Variants in GRID1 observed in about 807,000 individuals in gnomAD.
GRID1 encodes the protein glutamate receptor ionotropic, delta-1.
Under a neutral mutation model 98.0 loss-of-function variants are expected in GRID1, and 28 were observed. The ratio of observed to expected loss-of-function variants is 0.29; its 90% CI spans 0.21 to 0.39. The LOEUF (loss-of-function observed/expected upper bound fraction) is 0.39, where lower values mean the gene tolerates loss of function less well. Among genes scored for constraint, GRID1 ranks in the 10% least tolerant of loss-of-function variants. GRID1 has a pLI of 1.00. For missense variants in GRID1, 1,111 were observed against 1,340.5 expected, an observed-to-expected ratio of 0.83 and a Z score of 2.67; for synonymous variants, 553 against 538.5, an observed-to-expected ratio of 1.03 and a Z score of -0.37.
intron 12 of GRID1, among the ~76,000 whole-genome samples, chr10:85,691,461 C>A (rs1182349141): frequency 6.6e-6 from 1 of 152,152 alleles, no homozygotes; most frequent in Non-Finnish European, 1.5e-5. Flanking sequence ...TCGTAGTGAG[C>A]CCCTGGCATC....
intron 13 of GRID1, among the ~76,000 whole-genome samples, chr10:85,621,478 T>C (rs1564679985): frequency 6.6e-6 from 1 of 152,160 alleles, no homozygotes; most frequent in Non-Finnish European, 1.5e-5. Context: ...CCCCAAGTGC[T>C]CATGGCCCAA....
intron 13 of GRID1, among the ~76,000 whole-genome samples, chr10:85,624,931 T>C (rs1483163413): frequency 6.6e-6 from 1 of 152,174 alleles, no homozygotes; most frequent in Admixed American, 6.5e-5. Context: ...CAATAAATTA[T>C]GATTCATAAA....
At chr10:86,225,520 T>C (rs1846327884) in intron 2 of GRID1, among the ~76,000 whole-genome samples, 1 of 152,204 alleles carries the variant, frequency 6.6e-6, no homozygotes, top group African/African-American at 2.4e-5. Flanking sequence ...GGAGGCCCAG[T>C]GGCTGGATGT....
chr10:85,813,434 GAAC>G (rs1842690152), intron 8 of GRID1, among the ~76,000 whole-genome samples: 1 of 146,288 alleles, frequency 6.8e-6, no homozygotes, highest in Admixed American at 6.8e-5. Context: ...GAATAAAGTG[GAAC>G]AACATCTTTA....
intron 4 of GRID1, among the ~76,000 whole-genome samples, chr10:86,136,120 T>C (rs1844921126): frequency 6.6e-6 from 1 of 152,134 alleles, no homozygotes; most frequent in African/African-American, 2.4e-5. Flanking sequence ...AAAGAGGAGG[T>C]TGGGTCAGTC....
intron 8 of GRID1, among the ~76,000 whole-genome samples, chr10:85,771,584 T>A (rs566446702): frequency 6.6e-6 from 1 of 152,054 alleles, no homozygotes; most frequent in African/African-American, 2.4e-5. Flanking sequence ...ACCCATCTCA[T>A]GTGCAGAGAC....
At chr10:86,023,371 C>T (rs553561700) in intron 4 of GRID1, among the ~76,000 whole-genome samples, 2 of 152,180 alleles carry the variant, frequency 1.3e-5, no homozygotes, top group Non-Finnish European at 2.9e-5. Flanking sequence ...CCTCGTTGAA[C>T]TCTCACAACC....
At chr10:86,080,444 G>GGGAAGGGAAGGGAAGGGA (rs1564668714) in intron 4 of GRID1, among the ~76,000 whole-genome samples, 1 of 16,812 alleles carries the variant, frequency 5.9e-5, no homozygotes, top group African/African-American at 4.9e-4. Context: ...GAGGGGAGGG[G>GGGAAGGGAAGGGAAGGGA]AGGGGAGGGG....
intron 8 of GRID1, among the ~76,000 whole-genome samples, chr10:85,801,215 CTG>C (rs1177114364): frequency 6.6e-6 from 1 of 151,718 alleles, no homozygotes; most frequent in East Asian, 1.9e-4. Context: ...CATGAAAATT[CTG>C]TTAGCTTTTG....
chr10:86,111,227 T>G (rs79662246), intron 4 of GRID1, among the ~76,000 whole-genome samples: 5,181 of 152,186 alleles, frequency 0.034, 330 homozygotes, highest in African/African-American at 0.12. Flanking sequence ...GAACTGGAAG[T>G]TTGTCATCTC....
chr10:86,339,205 C>A (rs922557541), intron 2 of GRID1, among the ~76,000 whole-genome samples: 4 of 152,250 alleles, frequency 2.6e-5, no homozygotes, highest in Non-Finnish European at 5.9e-5. Flanking sequence ...CACACCTGGA[C>A]ATCTCCTAGG....
chr10:85,641,057 A>G (rs1342784796), intron 13 of GRID1, among the ~76,000 whole-genome samples: 1 of 152,198 alleles, frequency 6.6e-6, no homozygotes, highest in East Asian at 1.9e-4. Context: ...TGACATTTAA[A>G]CTATTAACGC....
chr10:85,943,743 A>C (rs1842022289), intron 4 of GRID1, among the ~76,000 whole-genome samples: 1 of 152,224 alleles, frequency 6.6e-6, no homozygotes, highest in African/African-American at 2.4e-5. Flanking sequence ...ATTAATAAGA[A>C]AATAAAGGAG....
intron 5 of GRID1, among the ~76,000 whole-genome samples, chr10:85,899,085 T>C (rs1018328839): frequency 1.3e-5 from 2 of 152,236 alleles, no homozygotes; most frequent in Admixed American, 6.5e-5. Context: ...TAAAATCTTA[T>C]GGGACTGCTG....
chr10:85,783,027 T>C (rs2949384), intron 8 of GRID1, among the ~76,000 whole-genome samples: 104,818 of 152,072 alleles, frequency 0.69, 36,328 homozygotes, highest in East Asian at 0.87. Context: ...CTGGGCCTCA[T>C]TTTTCTTCTC....
chr10:85,972,618 T>C (rs967665822), intron 4 of GRID1, among the ~76,000 whole-genome samples: 1 of 152,002 alleles, frequency 6.6e-6, no homozygotes, highest in Admixed American at 6.6e-5. Context: ...CACAATAGTC[T>C]ATTGCGTGGC....
chr10:86,106,738 C>T (rs1004683230), intron 4 of GRID1, among the ~76,000 whole-genome samples: 2 of 152,062 alleles, frequency 1.3e-5, no homozygotes, highest in Non-Finnish European at 2.9e-5. Context: ...GGTGCACGGG[C>T]ATGTCTACGG....
chr10:86,312,488 G>T (rs190638805), intron 2 of GRID1, among the ~76,000 whole-genome samples: 2 of 152,286 alleles, frequency 1.3e-5, no homozygotes, highest in African/African-American at 4.8e-5. Context: ...CTCTGGCAGT[G>T]GATTCAAAAG....
At chr10:85,722,610 T>A (rs955702516) in intron 12 of GRID1, among the ~76,000 whole-genome samples, 17 of 152,108 alleles carry the variant, frequency 1.1e-4, no homozygotes, top group African/African-American at 4.1e-4. Context: ...TTGAAAAAAA[T>A]TATTTTAAGG....
Sources: gnomAD v4.1 joint callset for allele counts (sites outside exome capture counted in the v4.1 genomes callset) on GRCh38, gnomAD v4.1.1 for gene constraint, MANE v1.5 for transcripts, NCBI Gene and HGNC (gene_info 2026-07-23, HGNC 2026-07-21) for gene names.